Variants in SLC12A6 observed in about 807,000 individuals in gnomAD.
SLC12A6 encodes solute carrier family 12 member 6.
In SLC12A6, 66 loss-of-function variants were observed where a neutral mutation model predicts 135.3. That is an observed-to-expected ratio of 0.49 (90% CI 0.40 to 0.60). The LOEUF (loss-of-function observed/expected upper bound fraction) is 0.60, where lower values mean the gene tolerates loss of function less well. Ranked by LOEUF, SLC12A6 falls within the 20% of genes least tolerant of loss-of-function variation. The pLI is 0.00. For missense variants in SLC12A6, 1,058 were observed against 1,452.3 expected (o/e 0.73, Z 4.41); for synonymous variants, 513 against 508.8 (o/e 1.01, Z -0.11).
intron 2 of SLC12A6, among the ~76,000 whole-genome samples, chr15:34,280,276 A>C (rs1566835282): frequency 6.6e-6 from 1 of 152,336 alleles, no homozygotes; most frequent in East Asian, 1.9e-4. Flanking sequence ...CAGTAATATA[A>C]TTAAATAACA....
At chr15:34,334,051 C>G (rs1004537673) in intron 2 of SLC12A6, among the ~76,000 whole-genome samples, 1 of 143,638 alleles carries the variant, frequency 7.0e-6, no homozygotes, top group Non-Finnish European at 1.5e-5. Context: ...GCCTGGGCAA[C>G]AAGTGTGAAA....
rs1361338600 is a variant in SLC12A6 at position 34,231,404 on chromosome 15, T to C, written c.*2477A>G. On this transcript the variant is annotated 3_prime_UTR_variant, in exon 26 of 26. Transcript: ENST00000354181. ...GATACTGGATCCTGCAGGACATGAC[T>C]CACTACTGTTAAACTCAACTAAGCA... 2.0e-5 allele frequency: 3 copies of C among 150,138 alleles called. No individual in the cohort carries two copies. Among genetic ancestry groups the C allele is most frequent in the African/African-American group, 7.3e-5 (3 of 40,856 alleles). 9.3% of individuals were successfully genotyped at this position (150,138 alleles called of 1,614,324 possible). A position where few individuals can be genotyped will look rare whatever the true frequency, so the allele number is the denominator to read the frequency against.
intron 2 of SLC12A6, chr15:34,318,671 TG>T (rs1190475503): frequency 6.2e-7 from 1 of 1,613,528 alleles, no homozygotes; most frequent in Non-Finnish European, 8.5e-7. Flanking sequence ...CACAGTAAAA[TG>T]TGGCATTGTT....
At chr15:34,238,799 G>A (rs1595404461) in intron 20 of SLC12A6, 166 bp downstream of exon 20, 4 of 737,558 alleles carry the variant, frequency 5.4e-6, no homozygotes, top group Admixed American at 1.8e-5. Flanking sequence ...GAAGCTGAAG[G>A]GGGTAGGTAG....
intron 2 of SLC12A6, among the ~76,000 whole-genome samples, chr15:34,277,788 T>C (rs1397407129): frequency 6.6e-6 from 1 of 152,174 alleles, no homozygotes; most frequent in East Asian, 1.9e-4. Context: ...ATGAATACCT[T>C]GTATCTCTCA....
intron 22 of SLC12A6, 130 bp downstream of exon 22, chr15:34,237,289 T>G (rs1891332252): frequency 1.4e-6 from 1 of 725,454 alleles, no homozygotes; most frequent in African/African-American, 1.8e-5. Context: ...TTTTTTTTGT[T>G]TTTTTTTTGG....
intron 2 of SLC12A6, among the ~76,000 whole-genome samples, chr15:34,308,082 T>C (rs1054233421): frequency 1.3e-5 from 2 of 152,184 alleles, no homozygotes; most frequent in African/African-American, 2.4e-5. Context: ...TCCATGAAAA[T>C]GAAATATAAT....
In SLC12A6 at chr15:34,230,057, AC is replaced by A. The variant is rs1159227821; in HGVS notation, c.*3823del. The A allele has an allele frequency of 2.5e-5, 11 of 445,380 alleles. No individual in the cohort carries two copies. The highest frequency in any genetic ancestry group is 4.1e-5 in the African/African-American group (2 of 49,150). 27.6% of individuals were successfully genotyped at this position (445,380 alleles called of 1,614,324 possible). On this transcript the variant is annotated 3_prime_UTR_variant, in exon 26 of 26. Transcript: ENST00000354181. Reference sequence around the variant, plus strand: ...TACAGAGCAAAACAACAACAAAAAAACATAACTATGTAAACAAGAGAATAAC... The same window carrying A: ...TACAGAGCAAAACAACAACAAAAAAAATAACTATGTAAACAAGAGAATAAC...
rs1393404859 is a variant in SLC12A6, at chr15:34,336,884, G to C, written c.-72-132C>G. ...TGTCCTAGAAAGTGCATCACCAATAGGTGAATATATTTTTTAAGAGAGAAA... is the reference window on the plus strand; with the variant it reads ...TGTCCTAGAAAGTGCATCACCAATACGTGAATATATTTTTTAAGAGAGAAA... On this transcript the variant is annotated intron_variant, in intron 1 of 25. Coordinates refer to ENST00000354181, the MANE Select transcript of SLC12A6 (RefSeq NM_001365088.1). 1.6e-5 allele frequency: 10 copies of C among 608,060 alleles called. No individual in the cohort carries two copies. In the East Asian group the frequency reaches 2.2e-4, roughly 13 times the overall value. 37.7% of individuals were successfully genotyped at this position (608,060 alleles called of 1,614,324 possible).
intron 2 of SLC12A6, among the ~76,000 whole-genome samples, chr15:34,334,769 T>G (rs1374255352): frequency 6.6e-6 from 1 of 152,192 alleles, no homozygotes; most frequent in East Asian, 1.9e-4. Flanking sequence ...AAATTTCACT[T>G]AGATATGTCC....
chr15:34,254,598 T>G lies in SLC12A6; in HGVS notation c.877-9A>C, dbSNP rs1892621033. ...CGGGGGACGATATAGACCTGTTAGG[T>G]AAAAATAAAGGAGAAAATTAGGTTA... On this transcript the variant is annotated splice_polypyrimidine_tract_variant and intron_variant, in intron 8 of 25. Transcript: ENST00000354181. 6.3e-7 allele frequency: 1 copy of G among 1,595,016 alleles called. No individual in the cohort carries two copies. The highest frequency in any genetic ancestry group is 8.6e-7 in the Non-Finnish European group (1 of 1,162,794).
Position 34,235,867 on chromosome 15 carries a change from T to C in SLC12A6, c.3227+148A>G, listed in dbSNP as rs1005873410. 150 of 732,006 alleles carry C rather than the reference T, an allele frequency of 2.0e-4. 2 individuals carry two copies. Among genetic ancestry groups the C allele is most frequent in the South Asian group, 1.8e-3 (118 of 67,188 alleles). 45.3% of individuals were successfully genotyped at this position (732,006 alleles called of 1,614,324 possible). On this transcript the variant is annotated intron_variant, in intron 24 of 25. Transcript: ENST00000354181. ...ATGGTTAGCTTGTGTACAGTGTTCA[T>C]TGGGAGCCAGTATGAACAGGCAAAC...
intron 2 of SLC12A6, among the ~76,000 whole-genome samples, chr15:34,313,772 C>A (rs1210676878): frequency 6.6e-6 from 1 of 152,024 alleles, no homozygotes; most frequent in Non-Finnish European, 1.5e-5. Flanking sequence ...AAGTTAAAGT[C>A]AATGCTCATT....
intron 8 of SLC12A6, 105 bp downstream of exon 8, chr15:34,255,157 C>A: frequency 1.0e-6 from 1 of 959,120 alleles, no homozygotes; most frequent in Non-Finnish European, 1.7e-6. Flanking sequence ...CAGTCAATCA[C>A]CTGATTTATT....
chr15:34,263,483 T>C (rs1027389317), intron 3 of SLC12A6, among the ~76,000 whole-genome samples: 14 of 152,004 alleles, frequency 9.2e-5, no homozygotes, highest in African/African-American at 3.4e-4. Flanking sequence ...GTACAAACCC[T>C]TCCACATTTT....
chr15:34,278,473 T>C (rs1373702941), intron 2 of SLC12A6, among the ~76,000 whole-genome samples: 1 of 152,148 alleles, frequency 6.6e-6, no homozygotes, highest in Non-Finnish European at 1.5e-5. Context: ...ATATACTTTC[T>C]TGCCTTCTAA....
chr15:34,333,827 T>C (rs36109983), intron 2 of SLC12A6, among the ~76,000 whole-genome samples: 3,124 of 152,126 alleles, frequency 0.021, 46 homozygotes, highest in Non-Finnish European at 0.033. Context: ...TCCCAGCACT[T>C]TGGGAGGCCA....
rs76293115 is a variant in SLC12A6, at chr15:34,250,194, G to A, written c.1649+104C>T. 1,538 of 808,070 alleles carry A rather than the reference G, an allele frequency of 1.9e-3. 10 individuals carry two copies. The African/African-American group carries it at 0.022, about 12-fold the overall frequency. 50.1% of individuals were successfully genotyped at this position (808,070 alleles called of 1,614,324 possible). On this transcript the variant is annotated intron_variant, in intron 13 of 25. Coordinates refer to ENST00000354181, the MANE Select transcript of SLC12A6 (RefSeq NM_001365088.1). ...TGCCGGGATTACAGGCATGAGCCAC[G>A]GTGCCTGGCTGTGTTGAGTCTGTAA... is the stretch of plus-strand genomic sequence containing the variant.
intron 2 of SLC12A6, among the ~76,000 whole-genome samples, chr15:34,286,607 C>T (rs993862043): frequency 4.0e-5 from 6 of 151,620 alleles, no homozygotes; most frequent in Admixed American, 3.3e-4. Context: ...CCAGACTGGC[C>T]AGCATGGTGA....
Sources: gnomAD v4.1 joint callset for allele counts (sites outside exome capture counted in the v4.1 genomes callset) on GRCh38, gnomAD v4.1.1 for gene constraint, MANE v1.5 for transcripts, NCBI Gene and HGNC (gene_info 2026-07-23, HGNC 2026-07-21) for gene names.